The following ERGIC1 variants were observed in gnomAD, a reference collection of about 807,000 sequenced individuals.
ERGIC1 encodes endoplasmic reticulum-golgi intermediate compartment 1, also known as endoplasmic reticulum-Golgi intermediate compartment protein 1.
ERGIC1 carries 19 observed loss-of-function variants against 38.3 expected under a neutral mutation model. The observed-to-expected ratio is 0.50, with a 90% confidence interval of 0.35 to 0.73. The LOEUF (loss-of-function observed/expected upper bound fraction) is 0.73, where lower values mean the gene tolerates loss of function less well. Among genes scored for constraint, ERGIC1 ranks in the 30% least tolerant of loss-of-function variants. The pLI, the probability that ERGIC1 is intolerant of heterozygous loss-of-function variation, is 0.01. For missense variants in ERGIC1, 294 were observed against 389.2 expected, an observed-to-expected ratio of 0.76 and a Z score of 2.06; for synonymous variants, 124 against 157.6, an observed-to-expected ratio of 0.79 and a Z score of 1.60.
intron 1 of ERGIC1, among the ~76,000 whole-genome samples, chr5:172,877,438 G>GTATATATA (rs1475634599): frequency 1.1e-5 from 1 of 91,492 alleles, no homozygotes; most frequent in African/African-American, 3.8e-5. Context: ...GTGTGTGTGT[G>GTATATATA]TGTATATATA....
At chr5:172,870,295 G>A (rs368973595) in intron 1 of ERGIC1, among the ~76,000 whole-genome samples, 98 of 152,100 alleles carry the variant, frequency 6.4e-4, no homozygotes, top group East Asian at 3.1e-3. Flanking sequence ...GGCTGCCCTC[G>A]GACCCCTTGG....
intron 1 of ERGIC1, among the ~76,000 whole-genome samples, chr5:172,857,412 C>G (rs1761576624): frequency 6.6e-6 from 1 of 152,154 alleles, no homozygotes; most frequent in South Asian, 2.1e-4. Context: ...GCGTTCCTTC[C>G]TTGCAGACAT....
chr5:172,893,498 G>A lies in ERGIC1; in HGVS notation c.83-3504G>A, dbSNP rs566800738. On this transcript the variant is annotated intron_variant, in intron 2 of 9. Coordinates refer to ENST00000393784, the MANE Select transcript of ERGIC1 (RefSeq NM_001031711.3). ...TCATTACAGCATCCAATGGGTTGTC[G>A]GGGCTTGGGGGAGGAGGGTGTAAAA... Among the ~76,000 whole-genome samples the A allele has an allele frequency of 1.4e-3, 220 of 152,156 alleles. 1 individual carries two copies. The highest frequency in any genetic ancestry group is 5.0e-3 in the African/African-American group (209 of 41,530).
chr5:172,846,782 G>A lies in ERGIC1; in HGVS notation c.20+12349G>A, dbSNP rs1268540683. On this transcript the variant is annotated intron_variant, in intron 1 of 9. Coordinates refer to ENST00000393784, the MANE Select transcript of ERGIC1 (RefSeq NM_001031711.3). The surrounding 1 kb of genome is among the most constrained non-coding windows in gnomAD (Gnocchi z 4.0). ...GTGGGCCTGTCTGGAGCTCATTGCT[G>A]TGGATTCAGGATGTGACTCTTGACT... 6.6e-6 allele frequency among the ~76,000 whole-genome samples: 1 copy of A among 152,206 alleles called. No individual in the cohort carries two copies. Among genetic ancestry groups the A allele is most frequent in the Non-Finnish European group, 1.5e-5 (1 of 68,036 alleles).
At chr5:172,852,177 C>A (rs1761428186) in intron 1 of ERGIC1, among the ~76,000 whole-genome samples, 1 of 152,124 alleles carries the variant, frequency 6.6e-6, no homozygotes, top group East Asian at 1.9e-4. Context: ...CCACTTTGAG[C>A]CCTGTGCTTA....
At chr5:172,898,518 T>C (rs59184418) in intron 3 of ERGIC1, 37,630 of 152,230 alleles carry the variant, frequency 0.25, 4,995 homozygotes, top group African/African-American at 0.34. Flanking sequence ...TTGCCTTTCC[T>C]GGTCACTCTG....
At chr5:172,856,422 TG>T (rs1258866313) in intron 1 of ERGIC1, among the ~76,000 whole-genome samples, 2 of 152,048 alleles carry the variant, frequency 1.3e-5, no homozygotes, top group Admixed American at 6.5e-5. Context: ...TGAATCAGGG[TG>T]CTTCCTGGAG....
rs1266160596 is a variant in ERGIC1, at chr5:172,834,716, A to ACTAGGAAACATTTCCTCCCTCCTC, written c.20+285_20+308dup. Among the ~76,000 whole-genome samples, 1 of 147,920 alleles carries ACTAGGAAACATTTCCTCCCTCCTC rather than the reference A, an allele frequency of 6.8e-6. No homozygotes were observed. The highest frequency in any genetic ancestry group is 2.5e-5 in the African/African-American group (1 of 39,840). On this transcript the variant is annotated intron_variant, in intron 1 of 9. Coordinates refer to ENST00000393784, the MANE Select transcript of ERGIC1 (RefSeq NM_001031711.3). This position sits in a 1 kb window ranked among gnomAD's most constrained non-coding sequence, Gnocchi z 4.1. ...GATACCTTGCATTCCCCTCCCCCAC[A>ACTAGGAAACATTTCCTCCCTCCTC]CTAGGAAACATTTCCTCCCTCCTCC...
At chr5:172,865,051 CTTTTTT>C (rs55657045) in intron 1 of ERGIC1, among the ~76,000 whole-genome samples, 3 of 93,844 alleles carry the variant, frequency 3.2e-5, no homozygotes, top group Non-Finnish European at 4.3e-5. Flanking sequence ...GAAAGAAATT[CTTTTTT>C]TTTTTTTTTT....
chr5:172,926,507 A>G lies in ERGIC1; in HGVS notation c.481-2A>G. On this transcript the variant is annotated splice_acceptor_variant, in intron 6 of 9. Coordinates refer to ENST00000393784, the MANE Select transcript of ERGIC1 (RefSeq NM_001031711.3). LOFTEE classifies it high-confidence loss of function. The surrounding 1 kb of genome is among the most constrained non-coding windows in gnomAD (Gnocchi z 5.2). ...CCATCCCCTCACTGCATTTTTCCAC[A>G]GGTCCAGAACATCCACGGAGCTTTC... 6.2e-7 allele frequency: 1 copy of G among 1,613,406 alleles called. No individual in the cohort carries two copies.
At chr5:172,873,746 C>T (rs1762075254) in intron 1 of ERGIC1, among the ~76,000 whole-genome samples, 1 of 152,190 alleles carries the variant, frequency 6.6e-6, no homozygotes. Flanking sequence ...GCCTCAGTTT[C>T]TGCATTTGTT....
At chr5:172,889,625 A>G (rs1310283610) in intron 2 of ERGIC1, among the ~76,000 whole-genome samples, 1 of 152,178 alleles carries the variant, frequency 6.6e-6, no homozygotes, top group African/African-American at 2.4e-5. Flanking sequence ...ATTGGCTTAG[A>G]AGCCAGAGAA....
chr5:172,950,944 G>C lies in ERGIC1; in HGVS notation c.*128G>C. On this transcript the variant is annotated 3_prime_UTR_variant, in exon 10 of 10. Coordinates refer to ENST00000393784, the MANE Select transcript of ERGIC1 (RefSeq NM_001031711.3). ...CCCAAAGGGTGTGTGGGAAGTGGGG[G>C]GAAAGTAGAGGATGGCTCGATGTTT... The C allele has an allele frequency of 1.5e-6, 1 of 679,792 alleles. No homozygotes were observed. Among genetic ancestry groups the C allele is most frequent in the East Asian group, 3.1e-5 (1 of 32,308 alleles). The allele number at this position is 679,792 out of a possible 1,614,324, so 42.1% of individuals were successfully genotyped here.
At chr5:172,870,106 C>CA (rs1761963452) in intron 1 of ERGIC1, among the ~76,000 whole-genome samples, 1 of 152,228 alleles carries the variant, frequency 6.6e-6, no homozygotes, top group African/African-American at 2.4e-5. Context: ...TATTCTGATA[C>CA]AAAAATACTT....
At chr5:172,892,065 T>G (rs867891343) in intron 2 of ERGIC1, among the ~76,000 whole-genome samples, 12 of 112,528 alleles carry the variant, frequency 1.1e-4, no homozygotes, top group South Asian at 5.2e-4. Flanking sequence ...AGAGTATGTT[T>G]TTTTTTTTTT....
At chr5:172,888,068 T>C (rs969691967) in intron 1 of ERGIC1, among the ~76,000 whole-genome samples, 43 of 152,164 alleles carry the variant, frequency 2.8e-4, no homozygotes, top group African/African-American at 9.2e-4. Flanking sequence ...CAGTGCCTAC[T>C]CTGCACCAGG....
intron 2 of ERGIC1, among the ~76,000 whole-genome samples, chr5:172,894,864 G>A (rs74341631): frequency 0.017 from 2,569 of 152,284 alleles, 41 homozygotes; most frequent in Middle Eastern, 0.071. Flanking sequence ...CCCTTCCCTC[G>A]GAATGCATCT....
intron 1 of ERGIC1, among the ~76,000 whole-genome samples, chr5:172,872,817 AAAAAAAGAAAAAAAG>A (rs1762048938): frequency 6.6e-6 from 1 of 152,008 alleles, no homozygotes; most frequent in Non-Finnish European, 1.5e-5. Context: ...CTCTATCTCA[AAAAAAAGAAAAAAAG>A]AAAAAAGAAA....
rs1763310404 is a variant in ERGIC1, at chr5:172,914,716, G to T, written c.253G>T (p.Val85Phe). ...TTGTCTCCCTTTGGCTCCTGCAGTG[G>T]TTGGGCTTGACATTCAGGATGAGAT... ...ISLPNLHCEL[V>F]GLDIQDEMGR... The change falls in exon 5 of 10, where the codon GTT becomes TTT. Residue 85 changes from valine (V) to phenylalanine (F), a missense_variant and splice_region_variant. By Grantham distance (50) the Val-to-Phe change is conservative. Transcript: ENST00000393784. 2 of 1,614,082 alleles carry T rather than the reference G, an allele frequency of 1.2e-6. No individual in the cohort carries two copies. Among genetic ancestry groups the T allele is most frequent in the Non-Finnish European group, 1.7e-6 (2 of 1,180,038 alleles).
Sources: allele counts gnomAD v4.1 joint callset (sites outside exome capture counted in the v4.1 genomes callset), GRCh38; gene constraint gnomAD v4.1.1; non-coding constraint Gnocchi (gnomAD v3.1); transcripts MANE v1.5; gene names NCBI Gene and HGNC (gene_info 2026-07-23, HGNC 2026-07-21).